Variants in BDKRB2 observed in about 807,000 individuals in gnomAD.
BDKRB2 encodes bradykinin receptor B2.
Under a neutral mutation model 4.0 loss-of-function variants are expected in BDKRB2, and 6 were observed. That is an observed-to-expected ratio of 1.49 (90% confidence interval 0.81 to 2.93). The LOEUF (loss-of-function observed/expected upper bound fraction) is 2.93. Ranked by LOEUF, BDKRB2 falls within the 30% of genes most tolerant of loss-of-function variation. The pLI is 0.00. For missense variants in BDKRB2, 478 were observed against 520.1 expected (o/e 0.92, Z 0.79); for synonymous variants, 225 against 215.3 (o/e 1.05, Z -0.40).
intron 1 of BDKRB2, among the ~76,000 whole-genome samples, chr14:96,232,092 AC>A (rs1190626197): frequency 6.6e-6 from 1 of 152,048 alleles, no homozygotes; most frequent in Non-Finnish European, 1.5e-5. Flanking sequence ...AATCCCTGAC[AC>A]CCCACAGCCC....
intron 1 of BDKRB2, among the ~76,000 whole-genome samples, chr14:96,216,947 G>A (rs1366765928): frequency 6.6e-6 from 1 of 152,170 alleles, no homozygotes; most frequent in Non-Finnish European, 1.5e-5. Flanking sequence ...AGGAGTGAGG[G>A]GCTGTGGCAT....
rs570598756 is a variant in BDKRB2, at chr14:96,220,729, C to T, written c.-40+15770C>T. On this transcript the variant is annotated intron_variant, in intron 1 of 2. Transcript: ENST00000554311. ...GTCTGGTGCCTCAGCCCCCTCGCTT[C>T]CTGCTTCCAGATTTTGCCAACTGCC... is the stretch of plus-strand genomic sequence containing the variant. Among the ~76,000 whole-genome samples, 59 of 151,744 alleles carry T rather than the reference C, an allele frequency of 3.9e-4. 1 individual carries two copies. Among genetic ancestry groups the T allele is most frequent in the African/African-American group, 1.4e-3 (58 of 41,262 alleles).
At position 96,241,442 on chromosome 14, in the gene BDKRB2, A is replaced by G. The variant is rs200843057; in HGVS notation, c.1114A>G (p.Thr372Ala). The G allele has an allele frequency of 1.7e-5, 27 of 1,594,542 alleles. No homozygotes were observed. The South Asian group carries it at 2.3e-4, about 13-fold the overall frequency. ...GGAGAACTCCATGGGCACACTGCGG[A>G]CCTCCATCTCCGTGGAACGCCAGAT... ...QMENSMGTLR[T>A]SISVERQIHK... is the part of the protein sequence containing the mutation. Residue 372 changes from threonine to alanine, a missense_variant, in exon 3 of 3, where the codon ACC (threonine) becomes GCC (alanine). By Grantham distance (58) the Thr-to-Ala change is moderately conservative. Transcript: ENST00000554311.
intron 1 of BDKRB2, among the ~76,000 whole-genome samples, chr14:96,230,400 T>C (rs1424905671): frequency 6.6e-6 from 1 of 152,190 alleles, no homozygotes; most frequent in Non-Finnish European, 1.5e-5. Context: ...TATTCTTTTA[T>C]TTTTATGTTT....
intron 1 of BDKRB2, among the ~76,000 whole-genome samples, chr14:96,219,825 T>G (rs1325126703): frequency 6.6e-6 from 1 of 151,814 alleles, no homozygotes; most frequent in Non-Finnish European, 1.5e-5. Flanking sequence ...CTACGGTGCC[T>G]GGGAGGGTCT....
chr14:96,214,495 G>A (rs1005383138), intron 1 of BDKRB2: 1 of 152,408 alleles, frequency 6.6e-6, no homozygotes, highest in South Asian at 2.1e-4. Flanking sequence ...CTGACAGGAG[G>A]CCACACACTT....
At chr14:96,234,997 C>T (rs562574507) in intron 1 of BDKRB2, among the ~76,000 whole-genome samples, 2 of 152,232 alleles carry the variant, frequency 1.3e-5, no homozygotes, top group South Asian at 4.1e-4. Flanking sequence ...TTCATTCTTC[C>T]CCTCTGAATC....
chr14:96,220,465 A>C (rs1173644954), intron 1 of BDKRB2, among the ~76,000 whole-genome samples: 2 of 152,068 alleles, frequency 1.3e-5, no homozygotes, highest in African/African-American at 2.4e-5. Flanking sequence ...AAGCTGACAG[A>C]TCTTTACTTT....
chr14:96,234,152 C>G (rs1389957373), intron 1 of BDKRB2: 4 of 152,194 alleles, frequency 2.6e-5, no homozygotes, highest in African/African-American at 7.2e-5. Context: ...AGGGCACATT[C>G]CAATTGGGTA....
intron 1 of BDKRB2, among the ~76,000 whole-genome samples, chr14:96,205,697 C>A (rs1330542884): frequency 4.6e-5 from 7 of 152,134 alleles, no homozygotes; most frequent in Non-Finnish European, 8.8e-5. Context: ...CGTTTTTGGG[C>A]GAGTTATTTT....
chr14:96,232,599 T>C (rs545682146), intron 1 of BDKRB2, among the ~76,000 whole-genome samples: 178 of 152,316 alleles, frequency 1.2e-3, no homozygotes, highest in African/African-American at 3.6e-3. Context: ...ATAAAAGCAA[T>C]AGAATGTGAA....
At chr14:96,210,582 G>A (rs1890281464) in intron 1 of BDKRB2, among the ~76,000 whole-genome samples, 1 of 152,174 alleles carries the variant, frequency 6.6e-6, no homozygotes, top group Admixed American at 6.6e-5. Flanking sequence ...CATCTTGAAA[G>A]GTTTCACCCA....
intron 1 of BDKRB2, among the ~76,000 whole-genome samples, chr14:96,219,344 C>G (rs1227063605): frequency 6.6e-6 from 1 of 152,020 alleles, no homozygotes; most frequent in African/African-American, 2.4e-5. Flanking sequence ...ATGGGGTTTT[C>G]TCTTATGAGA....
intron 2 of BDKRB2, among the ~76,000 whole-genome samples, 160 bp downstream of exon 2, chr14:96,237,341 G>A (rs1327026284): frequency 1.3e-5 from 2 of 152,206 alleles, no homozygotes; most frequent in Admixed American, 6.5e-5. Flanking sequence ...AGTCCCTGTA[G>A]GCCTGTTGGG....
chr14:96,240,795 A>G lies in BDKRB2; in HGVS notation c.467A>G (p.Tyr156Cys). The G allele has an allele frequency of 6.4e-7, 1 of 1,554,752 alleles. No homozygotes were observed. The highest frequency in any genetic ancestry group is 8.7e-7 in the Non-Finnish European group (1 of 1,151,626). Residue 156 changes from tyrosine to cysteine, a missense_variant, in exon 3 of 3, where the codon TAC (tyrosine) becomes TGC (cysteine). Coordinates refer to ENST00000554311, the MANE Select transcript of BDKRB2 (RefSeq NM_001379692.1). ...CFLMLVSIDRYLALVKTMSMG... is the reference protein window; with the variant it reads ...CFLMLVSIDRCLALVKTMSMG... ...CTGATGCTGGTGAGCATCGACCGCT[A>G]CCTGGCCCTGGTGAAAACCATGTCC...
At chr14:96,223,631 A>G (rs941984244) in intron 1 of BDKRB2, among the ~76,000 whole-genome samples, 2 of 152,124 alleles carry the variant, frequency 1.3e-5, no homozygotes, top group Non-Finnish European at 2.9e-5. Context: ...AGATGGAGGA[A>G]GCATCTGAGT....
At chr14:96,227,046 T>C (rs756733506) in intron 1 of BDKRB2, among the ~76,000 whole-genome samples, 1 of 152,154 alleles carries the variant, frequency 6.6e-6, no homozygotes, top group Non-Finnish European at 1.5e-5. Context: ...AAGCCCGGGC[T>C]CTTGCTCCAG....
chr14:96,231,810 C>G (rs1313414313), intron 1 of BDKRB2, among the ~76,000 whole-genome samples: 2 of 152,320 alleles, frequency 1.3e-5, no homozygotes, highest in East Asian at 1.9e-4. Flanking sequence ...CCAAGTACAG[C>G]GAATATGGTG....
intron 1 of BDKRB2, among the ~76,000 whole-genome samples, chr14:96,217,587 T>C (rs1890454980): frequency 6.6e-6 from 1 of 152,210 alleles, no homozygotes; most frequent in African/African-American, 2.4e-5. Context: ...ACTACCTCAT[T>C]TCACTGCCAT....
Sources: allele counts gnomAD v4.1 joint callset (sites outside exome capture counted in the v4.1 genomes callset), GRCh38; gene constraint gnomAD v4.1.1; transcripts MANE v1.5; gene names NCBI Gene and HGNC (gene_info 2026-07-23, HGNC 2026-07-21).